The following DNAJB6 variants were observed in gnomAD, a reference collection of about 807,000 sequenced individuals.
The protein encoded by DNAJB6 is dnaJ homolog subfamily B member 6.
DNAJB6 carries 16 observed loss-of-function variants against 42.7 expected under a neutral mutation model. The observed-to-expected ratio is 0.37, with a 90% confidence interval of 0.25 to 0.57. The LOEUF is 0.57. Among genes scored for constraint, DNAJB6 ranks in the 20% least tolerant of loss-of-function variants. The pLI is 0.74. For missense variants in DNAJB6, 347 were observed against 416.8 expected (o/e 0.83, Z 1.46); for synonymous variants, 170 against 163.5 (o/e 1.04, Z -0.30).
rs888523644 is a variant in DNAJB6, at chr7:157,409,810, A to G, written c.707A>G (p.Asp236Gly). Residue 236 changes from aspartate (D) to glycine (G), a missense_variant, in exon 9 of 10, where the codon GAT (aspartate) becomes GGT (glycine). Transcript: ENST00000262177. ...SLTINGVADD[D>G]ALAEERMRRG... ...GTGCCTGCAGGTGTGGCCGACGACG[A>G]TGCCCTCGCTGAGGAGCGCATGCGG... 1.3e-6 allele frequency: 2 copies of G among 1,529,438 alleles called. No individual in the cohort carries two copies. Among genetic ancestry groups the G allele is most frequent in the Non-Finnish European group, 1.8e-6 (2 of 1,142,336 alleles). 94.7% of individuals were successfully genotyped at this position (1,529,438 alleles called of 1,614,324 possible).
intron 8 of DNAJB6, among the ~76,000 whole-genome samples, chr7:157,392,155 C>T (rs1255883418): frequency 1.3e-5 from 2 of 151,256 alleles, no homozygotes; most frequent in Non-Finnish European, 2.9e-5. Flanking sequence ...GAGTCTTCTC[C>T]TATCAACAAC....
Position 157,417,138 on chromosome 7 carries a change from C to G in DNAJB6, c.*1040C>G, listed in dbSNP as rs1315379970. ...TTGCTTTCTCCTTTGTCCTCTTGGA[C>G]TTGAGGGCATTGTGAAAAGCTTTGC... On this transcript the variant is annotated 3_prime_UTR_variant, in exon 10 of 10. Transcript: ENST00000262177. 6.6e-6 allele frequency: 1 copy of G among 152,216 alleles called. No individual in the cohort carries two copies. Among genetic ancestry groups the G allele is most frequent in the Non-Finnish European group, 1.5e-5 (1 of 68,040 alleles). 9.4% of individuals were successfully genotyped at this position (152,216 alleles called of 1,614,324 possible). A position where few individuals can be genotyped will look rare whatever the true frequency, so the allele number is the denominator to read the frequency against.
intron 8 of DNAJB6, among the ~76,000 whole-genome samples, chr7:157,400,010 A>G (rs1413716734): frequency 1.3e-5 from 2 of 152,212 alleles, no homozygotes; most frequent in African/African-American, 4.8e-5. Flanking sequence ...TAAGTTTATG[A>G]TGCAGGTGTT....
At chr7:157,353,810 A>G (rs1334899036) in intron 1 of DNAJB6, among the ~76,000 whole-genome samples, 8 of 151,188 alleles carry the variant, frequency 5.3e-5, no homozygotes, top group Non-Finnish European at 1.0e-4. Context: ...TGACAGACAC[A>G]TGCCACCATG....
At chr7:157,344,693 G>C (rs1028725932) in intron 1 of DNAJB6, among the ~76,000 whole-genome samples, 14 of 152,114 alleles carry the variant, frequency 9.2e-5, no homozygotes, top group Non-Finnish European at 1.5e-4. Flanking sequence ...CGTCTCACTA[G>C]CATCGACTGC....
At chr7:157,411,843 CA>C (rs1795987010) in intron 9 of DNAJB6, 1 of 152,194 alleles carries the variant, frequency 6.6e-6, no homozygotes, top group Non-Finnish European at 1.5e-5. Context: ...CTGATACGGG[CA>C]GGCAGGCGCT....
intron 8 of DNAJB6, among the ~76,000 whole-genome samples, chr7:157,404,504 C>G (rs918445141): frequency 1.1e-4 from 11 of 97,342 alleles, no homozygotes; most frequent in Non-Finnish European, 1.8e-4. Context: ...TGGGGTCTGT[C>G]TTTTTTCTTT....
intron 5 of DNAJB6, among the ~76,000 whole-genome samples, chr7:157,372,842 T>C (rs1317270917): frequency 6.6e-6 from 1 of 152,166 alleles, no homozygotes; most frequent in Non-Finnish European, 1.5e-5. Context: ...CCCGTCTTGC[T>C]CCAGGCCCTT....
intron 1 of DNAJB6, among the ~76,000 whole-genome samples, chr7:157,341,645 C>T (rs1339459018): frequency 1.3e-5 from 2 of 152,164 alleles, no homozygotes; most frequent in Middle Eastern, 3.2e-3. Context: ...TTCCTCTCTG[C>T]CACCTTGAGA....
chr7:157,386,152 T>C, intron 8 of DNAJB6: 1 of 947,130 alleles, frequency 1.1e-6, no homozygotes, highest in Non-Finnish European at 1.3e-6. Flanking sequence ...TTTCTAGTTG[T>C]GCATGAATGC....
intron 8 of DNAJB6, among the ~76,000 whole-genome samples, chr7:157,395,236 G>GC: frequency 6.6e-6 from 1 of 152,338 alleles, no homozygotes; most frequent in South Asian, 2.1e-4. Context: ...GCTGGGGGGG[G>GC]GTTGGTGCTG....
chr7:157,382,032 A>G (rs1200641299), intron 5 of DNAJB6: 1 of 431,366 alleles, frequency 2.3e-6, no homozygotes, highest in Non-Finnish European at 4.1e-6. Flanking sequence ...ATTTGATACA[A>G]TGTATTGTAG....
intron 1 of DNAJB6, among the ~76,000 whole-genome samples, chr7:157,351,106 G>A (rs1163938323): frequency 6.6e-6 from 1 of 151,806 alleles, no homozygotes; most frequent in East Asian, 1.9e-4. Flanking sequence ...AGTTAATTTT[G>A]TATTTTTAGT....
At chr7:157,363,096 T>TA (rs1161747453) in intron 2 of DNAJB6, 65 bp from the exon 3 acceptor site, 7 of 1,134,154 alleles carry the variant, frequency 6.2e-6, no homozygotes, top group African/African-American at 1.5e-5. Flanking sequence ...TTAATGATGT[T>TA]AGTTTCAAAA....
intron 5 of DNAJB6, among the ~76,000 whole-genome samples, chr7:157,370,222 CACATTATTATTAAACAGGCCCTTTCTTA>C (rs1563129156): frequency 2.4e-4 from 25 of 102,932 alleles, no homozygotes; most frequent in East Asian, 1.4e-3. Context: ...GCCCTTTCTT[CACATTATTATTAAACAGGCCCTTTCTTA>C]ACATTATTAT....
intron 5 of DNAJB6, among the ~76,000 whole-genome samples, chr7:157,374,461 G>A (rs1012817395): frequency 6.6e-6 from 1 of 152,106 alleles, no homozygotes; most frequent in African/African-American, 2.4e-5. Flanking sequence ...GTTTCTTCAT[G>A]TTGGTCAGGT....
At chr7:157,364,189 T>C (rs1223052063) in intron 3 of DNAJB6, among the ~76,000 whole-genome samples, 2 of 151,818 alleles carry the variant, frequency 1.3e-5, no homozygotes, top group African/African-American at 4.8e-5. Flanking sequence ...TGGGCGACAG[T>C]GCGAGACTGT....
intron 5 of DNAJB6, among the ~76,000 whole-genome samples, chr7:157,374,020 A>T (rs1280749230): frequency 6.6e-6 from 1 of 152,138 alleles, no homozygotes. Context: ...ATCTCTAAAA[A>T]TTTAAGAAAA....
At chr7:157,343,092 A>G (rs951234884) in intron 1 of DNAJB6, among the ~76,000 whole-genome samples, 2 of 151,842 alleles carry the variant, frequency 1.3e-5, no homozygotes, top group African/African-American at 4.8e-5. Context: ...CCCAGGCTCA[A>G]GCAATTCTTG....
Sources: allele counts gnomAD v4.1 joint callset (sites outside exome capture counted in the v4.1 genomes callset), GRCh38; gene constraint gnomAD v4.1.1; transcripts MANE v1.5; gene names NCBI Gene and HGNC (gene_info 2026-07-23, HGNC 2026-07-21).